Variants in PTPRD observed in about 807,000 individuals in gnomAD.
The protein encoded by PTPRD is protein tyrosine phosphatase receptor type D.
In PTPRD, 34 loss-of-function variants were observed where a neutral mutation model predicts 214.5. The ratio of observed to expected loss-of-function variants is 0.16; its 90% CI spans 0.12 to 0.21. The LOEUF is 0.21. PTPRD is among the 10% of genes least tolerant of loss of function. The probability of loss-of-function intolerance (pLI) is 1.00; values close to 1 mark genes in which losing one functional copy is unlikely to be tolerated. For missense variants in PTPRD, 2,545 were observed against 2,398.7 expected, an observed-to-expected ratio of 1.06 and a Z score of -1.27; for synonymous variants, 1,128 against 845.7, an observed-to-expected ratio of 1.33 and a Z score of -5.79.
chr9:9,182,777 C>T (rs543749124), intron 10 of PTPRD, among the ~76,000 whole-genome samples: 49 of 152,030 alleles, frequency 3.2e-4, no homozygotes, highest in Middle Eastern at 6.8e-3. Context: ...TAAATCATAA[C>T]CTGTTATTGT....
chr9:10,038,225 T>C (rs1344991704), intron 3 of PTPRD, among the ~76,000 whole-genome samples: 1 of 152,138 alleles, frequency 6.6e-6, no homozygotes, highest in Non-Finnish European at 1.5e-5. Context: ...ATGAAATTTC[T>C]TCTCAGGACT....
chr9:10,142,081 C>A (rs1176663534), intron 3 of PTPRD, among the ~76,000 whole-genome samples: 1 of 151,914 alleles, frequency 6.6e-6, no homozygotes, highest in Admixed American at 6.6e-5. Flanking sequence ...ATGTAGAAAG[C>A]TGAAACTGGA....
chr9:8,858,529 A>G (rs1354189981), intron 11 of PTPRD, among the ~76,000 whole-genome samples: 1 of 152,116 alleles, frequency 6.6e-6, no homozygotes, highest in Non-Finnish European at 1.5e-5. Context: ...GTCATTGGAA[A>G]GGCTTCTCTC....
intron 8 of PTPRD, among the ~76,000 whole-genome samples, chr9:9,487,167 G>C (rs911758545): frequency 3.9e-5 from 6 of 151,978 alleles, no homozygotes; most frequent in African/African-American, 7.3e-5. Flanking sequence ...CCATTAACTT[G>C]TCATTTAGCA....
intron 4 of PTPRD, among the ~76,000 whole-genome samples, chr9:9,963,060 A>G (rs531329142): frequency 2.0e-5 from 3 of 152,092 alleles, no homozygotes; most frequent in Non-Finnish European, 4.4e-5. Flanking sequence ...CTAGGGATGT[A>G]TAAGAGATTT....
intron 10 of PTPRD, among the ~76,000 whole-genome samples, chr9:9,087,467 A>T (rs770157196): frequency 6.6e-6 from 1 of 152,314 alleles, no homozygotes; most frequent in South Asian, 2.1e-4. Flanking sequence ...CTGAAGAGGC[A>T]TTGTCCTTCC....
intron 44 of PTPRD, among the ~76,000 whole-genome samples, chr9:8,328,461 G>A (rs200139021): frequency 3.3e-5 from 5 of 151,958 alleles, no homozygotes; most frequent in African/African-American, 4.8e-5. Flanking sequence ...TTTTTCCTTC[G>A]TTTCAAGCTT....
At chr9:8,781,355 A>C (rs975019156) in intron 11 of PTPRD, among the ~76,000 whole-genome samples, 2 of 152,140 alleles carry the variant, frequency 1.3e-5, no homozygotes, top group African/African-American at 4.8e-5. Flanking sequence ...ATATTAATCC[A>C]TTTGAGTGAA....
intron 12 of PTPRD, among the ~76,000 whole-genome samples, chr9:8,702,761 C>A (rs966940024): frequency 1.1e-4 from 16 of 152,218 alleles, no homozygotes; most frequent in Non-Finnish European, 2.2e-4. Context: ...GCGCCCGCCA[C>A]TACGCCCAGC....
At chr9:9,334,421 A>T (rs189825074) in intron 9 of PTPRD, among the ~76,000 whole-genome samples, 1 of 152,148 alleles carries the variant, frequency 6.6e-6, no homozygotes, top group African/African-American at 2.4e-5. Flanking sequence ...ATAGTCTGTT[A>T]ATCACCTAGT....
intron 8 of PTPRD, among the ~76,000 whole-genome samples, chr9:9,521,015 A>T (rs2096958093): frequency 1.3e-5 from 2 of 152,192 alleles, no homozygotes; most frequent in Admixed American, 1.3e-4. Context: ...ATCACAGATG[A>T]TTTTTATGCA....
chr9:9,515,899 T>C (rs545734540), intron 8 of PTPRD, among the ~76,000 whole-genome samples: 1 of 152,180 alleles, frequency 6.6e-6, no homozygotes, highest in South Asian at 2.1e-4. Context: ...TATAAGGAAA[T>C]TGAATATTGC....
At chr9:8,827,297 A>G (rs1356128913) in intron 11 of PTPRD, among the ~76,000 whole-genome samples, 1 of 117,774 alleles carries the variant, frequency 8.5e-6, no homozygotes, top group Admixed American at 8.0e-5. Flanking sequence ...CCATCAATCT[A>G]TTTGTTATTG....
chr9:10,604,188 A>ATC (rs145763335), intron 2 of PTPRD, among the ~76,000 whole-genome samples: 2 of 151,504 alleles, frequency 1.3e-5, no homozygotes, highest in Non-Finnish European at 3.0e-5. Context: ...TTCTGACCAT[A>ATC]TTCTGACCTA....
intron 2 of PTPRD, among the ~76,000 whole-genome samples, chr9:10,545,485 G>C (rs1590547289): frequency 6.6e-6 from 1 of 152,230 alleles, no homozygotes; most frequent in East Asian, 1.9e-4. Flanking sequence ...GTAGCACAGA[G>C]ATTATAAATG....
intron 3 of PTPRD, among the ~76,000 whole-genome samples, chr9:10,145,332 G>A (rs1243069429): frequency 1.3e-5 from 2 of 151,964 alleles, no homozygotes; most frequent in Non-Finnish European, 2.9e-5. Flanking sequence ...ATCTTCTTCT[G>A]CCTCCGCCAC....
intron 2 of PTPRD, among the ~76,000 whole-genome samples, chr9:10,611,914 C>T (rs927986950): frequency 1.3e-5 from 2 of 150,984 alleles, no homozygotes; most frequent in East Asian, 2.0e-4. Flanking sequence ...CGCCCCCCCC[C>T]CCTTTTTTTT....
In PTPRD at chr9:10,340,314, C is replaced by A. The variant is rs529986296; in HGVS notation, c.-545+649G>T. On this transcript the variant is annotated intron_variant, in intron 3 of 45. Transcript: ENST00000381196. ...GCTAGCTGGGAGTCAATAGCAAAAGCATACCAATCTTTACAGCATATACAG... is the reference window on the plus strand; with the variant it reads ...GCTAGCTGGGAGTCAATAGCAAAAGAATACCAATCTTTACAGCATATACAG... Among the ~76,000 whole-genome samples, 287 of 151,992 alleles carry A rather than the reference C, an allele frequency of 1.9e-3. 3 individuals are homozygous for A. Among genetic ancestry groups the A allele is most frequent in the African/African-American group, 6.7e-3 (278 of 41,514 alleles).
chr9:10,279,724 C>T (rs117893307), intron 3 of PTPRD, among the ~76,000 whole-genome samples: 5,217 of 147,046 alleles, frequency 0.035, 323 homozygotes, highest in Admixed American at 0.16. Context: ...AAAAAAAAAG[C>T]CTTTCCTCTG....
Sources: allele counts gnomAD v4.1 joint callset (sites outside exome capture counted in the v4.1 genomes callset), GRCh38; gene constraint gnomAD v4.1.1; transcripts MANE v1.5; gene names NCBI Gene and HGNC (gene_info 2026-07-23, HGNC 2026-07-21).